The following TRMT10C variants were observed in gnomAD, a reference collection of about 807,000 sequenced individuals.
TRMT10C encodes the protein tRNA methyltransferase 10C, mitochondrial RNase P subunit.
In TRMT10C, 14 loss-of-function variants were observed where a neutral mutation model predicts 27.4. The ratio of observed to expected loss-of-function variants is 0.51; its 90% CI spans 0.34 to 0.80. The LOEUF (loss-of-function observed/expected upper bound fraction) is 0.80, where lower values mean the gene tolerates loss of function less well. Ranked by LOEUF, TRMT10C falls within the 30% of genes least tolerant of loss-of-function variation. The pLI, the probability that TRMT10C is intolerant of heterozygous loss-of-function variation, is 0.02. For missense variants in TRMT10C, 438 were observed against 464.8 expected (o/e 0.94, Z 0.53); for synonymous variants, 143 against 155.9 (o/e 0.92, Z 0.62).
chr3:101,563,767 ATCT>A (rs1934463740), intron 1 of TRMT10C, among the ~76,000 whole-genome samples: 1 of 152,318 alleles, frequency 6.6e-6, no homozygotes, highest in East Asian at 1.9e-4. Context: ...ATCTTTAAGC[ATCT>A]TCAATATCTC....
chr3:101,564,022 C>T (rs1934467616), intron 1 of TRMT10C, among the ~76,000 whole-genome samples: 2 of 151,944 alleles, frequency 1.3e-5, no homozygotes, highest in South Asian at 4.2e-4. Flanking sequence ...CCTTTCATGT[C>T]CTTTGTCTTT....
rs754445467 is a variant in TRMT10C at position 101,565,605 on chromosome 3, A to G, written c.824A>G (p.Glu275Gly). The change falls in exon 2 of 2, where the codon GAA becomes GGA. Residue 275 changes from glutamate to glycine, a missense_variant. Around this residue, in one of 3 missense-constraint regions of TRMT10C, gnomAD observed 350 missense variants for 370.5 expected, o/e 0.94. Coordinates refer to ENST00000309922, the MANE Select transcript of TRMT10C (RefSeq NM_017819.4). ...KWDKLLLTST[E>G]KSHVDLFPKD... is the part of the protein sequence containing the mutation. Reference sequence around the variant, plus strand: ...GACAAATTGCTTTTAACATCAACAGAAAAGTCTCATGTAGATTTATTTCCA... The same window carrying G: ...GACAAATTGCTTTTAACATCAACAGGAAAGTCTCATGTAGATTTATTTCCA... The G allele has an allele frequency of 2.1e-5, 34 of 1,614,052 alleles. No homozygotes were observed. In the South Asian group the frequency reaches 3.3e-4, roughly 16 times the overall value.
chr3:101,562,479 C>T (rs1386310274), intron 1 of TRMT10C, among the ~76,000 whole-genome samples: 1 of 151,918 alleles, frequency 6.6e-6, no homozygotes, highest in Non-Finnish European at 1.5e-5. Context: ...ACAGTGAAAC[C>T]CCGTCTGTAC....
intron 1 of TRMT10C, among the ~76,000 whole-genome samples, chr3:101,564,256 CTTT>C (rs11410961): frequency 1.6e-5 from 2 of 121,480 alleles, no homozygotes; most frequent in Non-Finnish European, 1.7e-5. Flanking sequence ...AAGAACCCAA[CTTT>C]TTTTTTTTTT....
In TRMT10C at chr3:101,564,855, C is replaced by T. The variant is rs1934482791; in HGVS notation, c.74C>T (p.Thr25Ile). 1.2e-6 allele frequency: 2 copies of T among 1,613,646 alleles called. No individual in the cohort carries two copies. Among genetic ancestry groups the T allele is most frequent in the Admixed American group, 1.7e-5 (1 of 59,958 alleles). Residue 25 changes from threonine to isoleucine, a missense_variant, in exon 2 of 2, where the codon ACC becomes ATC. Physicochemically the swap from Thr to Ile is moderately conservative, Grantham distance 89. Transcript: ENST00000309922. ...TTCACCAGGTTTTTGGTGCCATTTA[C>T]CCTTCATAGGAAGAGAAATAACTTA... The part of the protein sequence containing the change: ...RPFTRFLVPF[T>I]LHRKRNNLTI...
In TRMT10C at chr3:101,565,151, G is replaced by GT; in HGVS notation, c.373dup (p.Ser125PhefsTer2). ...AGAGCTCAAAACCCTTATGGAATGT[G>GT]TTTCTAACACAGCAAAAAAAAAATA... On this transcript the variant is annotated frameshift_variant, in exon 2 of 2. Transcript: ENST00000309922. LOFTEE classifies it high-confidence loss of function. The GT allele has an allele frequency of 6.3e-7, 1 of 1,593,174 alleles. No homozygotes were observed. The highest frequency in any genetic ancestry group is 8.5e-7 in the Non-Finnish European group (1 of 1,171,952).
At position 101,562,014 on chromosome 3, in the gene TRMT10C, T is replaced by C. The variant is rs1934423563; in HGVS notation, c.-13+11T>C. On this transcript the variant is annotated intron_variant, in intron 1 of 1. Transcript: ENST00000309922. ...ATCTCTGCACTCCTGGTAAGCGAGT[T>C]TCTTCTTTCGCCTAATGTGTGTGTT... The C allele has an allele frequency of 6.6e-6, 1 of 152,142 alleles. No individual in the cohort carries two copies. The highest frequency in any genetic ancestry group is 2.1e-4 in the South Asian group (1 of 4,828). The allele number at this position is 152,142 out of a possible 1,614,324, so 9.4% of individuals were successfully genotyped here.
chr3:101,565,848 T>A lies in TRMT10C; in HGVS notation c.1067T>A (p.Met356Lys). 6.2e-7 allele frequency: 1 copy of A among 1,614,148 alleles called. No individual in the cohort carries two copies. The highest frequency in any genetic ancestry group is 8.5e-7 in the Non-Finnish European group (1 of 1,180,006). ...IGNKNLTLDQ[M>K]IRILLCLKNN... ...AACAAAAATCTCACCTTAGATCAAA[T>A]GATACGTATTTTGTTATGTCTGAAA... Residue 356 changes from methionine (M) to lysine (K), a missense_variant, in exon 2 of 2, where the codon ATG becomes AAG. Around this residue, in one of 3 missense-constraint regions of TRMT10C, gnomAD observed 84 missense variants for 76.5 expected, o/e 1.10. Coordinates refer to ENST00000309922, the MANE Select transcript of TRMT10C (RefSeq NM_017819.4).
At chr3:101,563,185 G>C (rs955641279) in intron 1 of TRMT10C, among the ~76,000 whole-genome samples, 9 of 151,244 alleles carry the variant, frequency 6.0e-5, no homozygotes, top group African/African-American at 1.7e-4. Context: ...GCAAAATCTC[G>C]GCTCACTGCA....
chr3:101,562,435 C>T (rs1934432034), intron 1 of TRMT10C, among the ~76,000 whole-genome samples: 2 of 152,150 alleles, frequency 1.3e-5, no homozygotes, highest in African/African-American at 4.8e-5. Context: ...GGGCGGATCA[C>T]GAGGTCAGGA....
rs1266773147 is a variant in TRMT10C, at chr3:101,566,216, T to G, written c.*223T>G. 1 of 445,422 alleles carries G rather than the reference T, an allele frequency of 2.2e-6. No individual in the cohort carries two copies. The highest frequency in any genetic ancestry group is 3.8e-5 in the East Asian group (1 of 25,988). 27.6% of individuals were successfully genotyped at this position (445,422 alleles called of 1,614,324 possible). ...AACTTTGGGATTATACTTTGTTTAC[T>G]GTAGAAAGATAATAAAAAGAGTTGT... On this transcript the variant is annotated 3_prime_UTR_variant, in exon 2 of 2. Coordinates refer to ENST00000309922, the MANE Select transcript of TRMT10C (RefSeq NM_017819.4).
chr3:101,565,224 T>TA lies in TRMT10C; in HGVS notation c.449dup (p.Glu151GlyfsTer20). The TA allele has an allele frequency of 6.3e-7, 1 of 1,599,400 alleles. No individual in the cohort carries two copies. Among genetic ancestry groups the TA allele is most frequent in the East Asian group, 2.2e-5 (1 of 44,464 alleles). On this transcript the variant is annotated frameshift_variant, in exon 2 of 2. Coordinates refer to ENST00000309922, the MANE Select transcript of TRMT10C (RefSeq NM_017819.4). LOFTEE classifies it high-confidence loss of function. Reference sequence around the variant, plus strand: ...GAAAAAGTGAAAAAAGCTAGGCAAATAAAAAAGGAAATGAAAGCAGCAGCA... The same window carrying TA: ...GAAAAAGTGAAAAAAGCTAGGCAAATAAAAAAAGGAAATGAAAGCAGCAGCA...
At position 101,566,083 on chromosome 3, in the gene TRMT10C, A is replaced by G; in HGVS notation, c.*90A>G. 2 of 1,358,952 alleles carry G rather than the reference A, an allele frequency of 1.5e-6. No individual in the cohort carries two copies. The highest frequency in any genetic ancestry group is 2.0e-6 in the Non-Finnish European group (2 of 1,007,752). The allele number at this position is 1,358,952 out of a possible 1,614,324, so 84.2% of individuals were successfully genotyped here. A position where few individuals can be genotyped will look rare whatever the true frequency, so the allele number is the denominator to read the frequency against. On this transcript the variant is annotated 3_prime_UTR_variant, in exon 2 of 2. Transcript: ENST00000309922. ...CTTAAAAAGTAAATGCGTTAGAAAT[A>G]CAGTTCTGTTAATGTATTTCTTCCC... is the stretch of plus-strand genomic sequence containing the variant.
Position 101,565,740 on chromosome 3 carries a change from G to A in TRMT10C, c.959G>A (p.Gly320Asp). Residue 320 changes from glycine to aspartate, a missense_variant, in exon 2 of 2, where the codon GGC (glycine) becomes GAC (aspartate). By Grantham distance (94) the Gly-to-Asp change is moderately conservative (BLOSUM62 -1). Coordinates refer to ENST00000309922, the MANE Select transcript of TRMT10C (RefSeq NM_017819.4). ...TTTGTTGATAAGAGTATGCAGCCAG[G>A]CACATCCCTAGCCAAGGCAAAACGG... ...GSFVDKSMQPGTSLAKAKRLN... is the reference protein window; with the variant it reads ...GSFVDKSMQPDTSLAKAKRLN... 6.2e-7 allele frequency: 1 copy of A among 1,614,182 alleles called. No individual in the cohort carries two copies. Among genetic ancestry groups the A allele is most frequent in the Non-Finnish European group, 8.5e-7 (1 of 1,180,046 alleles).
intron 1 of TRMT10C, among the ~76,000 whole-genome samples, chr3:101,562,368 G>C (rs1253682975): frequency 2.0e-5 from 3 of 152,122 alleles, no homozygotes; most frequent in African/African-American, 7.2e-5. Context: ...TTAAAGGGAG[G>C]CTGAGCCGGG....
rs1333577006 is a variant in TRMT10C at position 101,565,382 on chromosome 3, T to A, written c.601T>A (p.Phe201Ile). 6.2e-7 allele frequency: 1 copy of A among 1,614,086 alleles called. No homozygotes were observed. Among genetic ancestry groups the A allele is most frequent in the South Asian group, 1.1e-5 (1 of 91,078 alleles). ...CTGGAAGGGTGCCCAGGCCATGCAGTTTGGACAACCTTTGGTTTTTGACAT... is the reference window on the plus strand; with the variant it reads ...CTGGAAGGGTGCCCAGGCCATGCAGATTGGACAACCTTTGGTTTTTGACAT... ...MGWKGAQAMQFGQPLVFDMAY... is the reference protein window; with the variant it reads ...MGWKGAQAMQIGQPLVFDMAY... The change falls in exon 2 of 2, where the codon TTT becomes ATT. Residue 201 changes from phenylalanine (F) to isoleucine (I), a missense_variant. Physicochemically the swap from Phe to Ile is conservative, Grantham distance 21 (BLOSUM62 0). This residue lies in a region of TRMT10C where 350 missense variants were observed against 370.5 expected (regional missense o/e 0.94). Transcript: ENST00000309922.
chr3:101,566,190 G>A lies in TRMT10C; in HGVS notation c.*197G>A, dbSNP rs1934512559. On this transcript the variant is annotated 3_prime_UTR_variant, in exon 2 of 2. Coordinates refer to ENST00000309922, the MANE Select transcript of TRMT10C (RefSeq NM_017819.4). ...GTCTTTTCCCAATTAAATATCTGCA[G>A]AACTTTGGGATTATACTTTGTTTAC... The A allele has an allele frequency of 1.8e-6, 1 of 553,352 alleles. No individual in the cohort carries two copies. The highest frequency in any genetic ancestry group is 3.1e-6 in the Non-Finnish European group (1 of 317,542). The allele number at this position is 553,352 out of a possible 1,614,324, so 34.3% of individuals were successfully genotyped here.
chr3:101,566,154 T>A lies in TRMT10C; in HGVS notation c.*161T>A. On this transcript the variant is annotated 3_prime_UTR_variant, in exon 2 of 2. Coordinates refer to ENST00000309922, the MANE Select transcript of TRMT10C (RefSeq NM_017819.4). ...CTAAAGGTAGTCTTTCCCAACTGAC[T>A]GTAGGGTTGTGTCTTTTCCCAATTA... The A allele has an allele frequency of 1.3e-6, 1 of 751,464 alleles. No homozygotes were observed. The highest frequency in any genetic ancestry group is 2.1e-6 in the Non-Finnish European group (1 of 479,096). 46.5% of individuals were successfully genotyped at this position (751,464 alleles called of 1,614,324 possible). A position where few individuals can be genotyped will look rare whatever the true frequency, so the allele number is the denominator to read the frequency against.
rs763399241 is a variant in TRMT10C, at chr3:101,564,951, C to G, written c.170C>G (p.Pro57Arg). ...TATCCTAAAAATGAGAGTACACCCC[C>G]TTCTGAAGAGCTAGAGTTGGATAAG... ...VTYPKNESTP[P>R]SEELELDKWK... Residue 57 changes from proline (P) to arginine (R), a missense_variant, in exon 2 of 2, where the codon CCT becomes CGT. Coordinates refer to ENST00000309922, the MANE Select transcript of TRMT10C (RefSeq NM_017819.4). 3.1e-6 allele frequency: 5 copies of G among 1,613,718 alleles called. No individual in the cohort carries two copies. The highest frequency in any genetic ancestry group is 2.2e-5 in the East Asian group (1 of 44,858).
Sources: allele counts gnomAD v4.1 joint callset (sites outside exome capture counted in the v4.1 genomes callset), GRCh38; gene constraint gnomAD v4.1.1; regional missense constraint gnomAD v4.1.1; transcripts MANE v1.5; gene names NCBI Gene and HGNC (gene_info 2026-07-23, HGNC 2026-07-21).